The following UNC13B variants were observed in gnomAD, a reference collection of about 807,000 sequenced individuals.
The protein encoded by UNC13B is unc-13 homolog B, also known as protein unc-13 homolog B.
UNC13B carries 144 observed loss-of-function variants against 211.0 expected under a neutral mutation model. The ratio of observed to expected loss-of-function variants is 0.68; its 90% CI spans 0.60 to 0.78. The LOEUF (loss-of-function observed/expected upper bound fraction) is 0.78, where lower values mean the gene tolerates loss of function less well. UNC13B is among the 30% of genes least tolerant of loss of function. The pLI is 0.00. For synonymous variants in UNC13B, 709 were observed against 725.8 expected (o/e 0.98, Z 0.37); for missense variants, 1,777 against 2,002.0 (o/e 0.89, Z 2.14).
In UNC13B at chr9:35,397,304, T is replaced by C. The variant is rs1185966299; in HGVS notation, c.11670T>C (p.Phe3890=). ...PSILAHYMRR[F]AKTIGKVLMQ... ...TCCTTGCCCACTACATGAGGAGGTT[T>C]GCTAAGGTGACCATAACTCTTCCTA... is the stretch of plus-strand genomic sequence containing the variant. The change falls in exon 29 of 40, where the codon TTT becomes TTC. Residue 3890 remains phenylalanine, a synonymous_variant. Transcript: ENST00000635942. 8 of 1,613,962 alleles carry C rather than the reference T, an allele frequency of 5.0e-6. No individual in the cohort carries two copies. Among genetic ancestry groups the C allele is most frequent in the Middle Eastern group, 1.7e-4 (1 of 5,964 alleles).
chr9:35,206,942 T>C (rs1823689891), intron 1 of UNC13B, among the ~76,000 whole-genome samples: 2 of 151,992 alleles, frequency 1.3e-5, no homozygotes, highest in Non-Finnish European at 2.9e-5. Context: ...TGTTTACCCA[T>C]TCATTAGTTC....
At chr9:35,323,315 T>C (rs974108757) in intron 11 of UNC13B, among the ~76,000 whole-genome samples, 3 of 152,180 alleles carry the variant, frequency 2.0e-5, no homozygotes, top group Non-Finnish European at 2.9e-5. Flanking sequence ...GCTTTGTAAA[T>C]AGTTATATAG....
intron 5 of UNC13B, among the ~76,000 whole-genome samples, chr9:35,239,812 A>G (rs1162291180): frequency 6.6e-6 from 1 of 152,232 alleles, no homozygotes; most frequent in Non-Finnish European, 1.5e-5. Context: ...TTGAAAGAAG[A>G]GAAATATGGC....
At chr9:35,391,367 T>C (rs1564192277) in intron 26 of UNC13B, among the ~76,000 whole-genome samples, 1 of 152,198 alleles carries the variant, frequency 6.6e-6, no homozygotes, top group Non-Finnish European at 1.5e-5. Context: ...TTATGTGTGG[T>C]AGTCTCTCTA....
At chr9:35,398,314 T>A in intron 31 of UNC13B, 26 bp downstream of exon 31, 1 of 1,606,784 alleles carries the variant, frequency 6.2e-7, no homozygotes, top group Non-Finnish European at 8.5e-7. Context: ...TGGGAGTCAC[T>A]GTATTTTCCC....
chr9:35,262,305 C>T (rs947781200), intron 7 of UNC13B, among the ~76,000 whole-genome samples: 3 of 148,626 alleles, frequency 2.0e-5, no homozygotes, highest in East Asian at 2.0e-4. Flanking sequence ...TCTCTTTTCA[C>T]TTTTCTCTTT....
intron 26 of UNC13B, among the ~76,000 whole-genome samples, chr9:35,394,747 G>A (rs1421994907): frequency 2.0e-5 from 3 of 152,144 alleles, no homozygotes; most frequent in Non-Finnish European, 4.4e-5. Flanking sequence ...AGGAGGTTAT[G>A]GATTGGCCTT....
At chr9:35,190,477 G>A (rs2131338906) in intron 1 of UNC13B, among the ~76,000 whole-genome samples, 1 of 152,246 alleles carries the variant, frequency 6.6e-6, no homozygotes, top group African/African-American at 2.4e-5. Context: ...ACAGAACTGA[G>A]CCTTTGATTT....
intron 7 of UNC13B, among the ~76,000 whole-genome samples, chr9:35,272,972 T>C (rs1043223880): frequency 6.6e-6 from 1 of 152,132 alleles, no homozygotes; most frequent in African/African-American, 2.4e-5. Flanking sequence ...CACCTTGGAG[T>C]TTCAAAGAGA....
intron 1 of UNC13B, among the ~76,000 whole-genome samples, chr9:35,200,852 G>T (rs1424432695): frequency 6.6e-6 from 1 of 152,112 alleles, no homozygotes; most frequent in Non-Finnish European, 1.5e-5. Context: ...GATTGCCCTG[G>T]CCAGAACTTC....
intron 7 of UNC13B, among the ~76,000 whole-genome samples, chr9:35,290,288 C>T (rs1435891017): frequency 1.3e-5 from 2 of 151,730 alleles, no homozygotes; most frequent in Non-Finnish European, 2.9e-5. Flanking sequence ...GTTTTAAGCC[C>T]CTTTCTGATC....
chr9:35,272,180 G>T (rs997709744), intron 7 of UNC13B, among the ~76,000 whole-genome samples: 1 of 148,692 alleles, frequency 6.7e-6, no homozygotes, highest in Non-Finnish European at 1.5e-5. Context: ...ACATATGTAC[G>T]TAGAAAAACC....
At chr9:35,167,393 C>G (rs1028085453) in intron 1 of UNC13B, among the ~76,000 whole-genome samples, 2 of 151,942 alleles carry the variant, frequency 1.3e-5, no homozygotes, top group Non-Finnish European at 2.9e-5. Flanking sequence ...ATGCATGGCC[C>G]GAGATAATTC....
intron 6 of UNC13B, 26 bp from the exon 7 acceptor site, chr9:35,258,967 A>G: frequency 6.2e-7 from 1 of 1,605,850 alleles, no homozygotes; most frequent in Non-Finnish European, 8.5e-7. Flanking sequence ...GTATTTATTT[A>G]TTTATTTTCT....
intron 6 of UNC13B, among the ~76,000 whole-genome samples, chr9:35,248,351 G>C (rs559975403): frequency 6.6e-5 from 10 of 151,776 alleles, no homozygotes; most frequent in African/African-American, 1.7e-4. Context: ...GTGTCTCTAT[G>C]TCCTTCAGTT....
chr9:35,308,324 GA>G lies in UNC13B; in HGVS notation c.8921del (p.Glu2974GlyfsTer11). On this transcript the variant is annotated frameshift_variant, in exon 9 of 40. Coordinates refer to ENST00000635942, the MANE Select transcript of UNC13B (RefSeq NM_001371189.2). LOFTEE classifies it high-confidence loss of function. ...TCACCAGCTAGAAAAACAAGAAGAG[GA>G]GGCAGTACCTGCCAGTACTGACTCT... ...IFHQLEKQEE[E>X]AVPASTDSDL... is the part of the protein sequence containing the mutation. The G allele has an allele frequency of 5.0e-6, 2 of 399,030 alleles. No individual in the cohort carries two copies. Among genetic ancestry groups the G allele is most frequent in the South Asian group, 2.5e-4 (2 of 7,850 alleles). 24.7% of individuals were successfully genotyped at this position (399,030 alleles called of 1,614,324 possible).
intron 10 of UNC13B, among the ~76,000 whole-genome samples, chr9:35,312,438 G>A (rs1830224241): frequency 1.3e-5 from 2 of 152,200 alleles, no homozygotes; most frequent in Non-Finnish European, 2.9e-5. Context: ...ATGACTCACT[G>A]AAAAACTGAC....
intron 26 of UNC13B, 86 bp from the exon 27 acceptor site, chr9:35,396,390 C>A: frequency 6.4e-7 from 1 of 1,562,028 alleles, no homozygotes; most frequent in Non-Finnish European, 8.7e-7. Flanking sequence ...GATGGAGCTG[C>A]CTGACCAGAT....
At position 35,301,499 on chromosome 9, in the gene UNC13B, C is replaced by G. The variant is rs1212120254; in HGVS notation, c.2095C>G (p.Leu699Val). The change falls in exon 9 of 40, where the codon CTT (leucine) becomes GTT (valine). Residue 699 changes from leucine (L) to valine (V), a missense_variant. Coordinates refer to ENST00000635942, the MANE Select transcript of UNC13B (RefSeq NM_001371189.2). Reference sequence around the variant, plus strand: ...GGAGTTAAATAAAAGGGAAGGCACTCTTGACAATTACAGTAGTAGCATCAT... The same window carrying G: ...GGAGTTAAATAAAAGGGAAGGCACTGTTGACAATTACAGTAGTAGCATCAT... ...GLELNKREGT[L>V]DNYSSSIIAL... 1 of 398,610 alleles carries G rather than the reference C, an allele frequency of 2.5e-6. No homozygotes were observed. Among genetic ancestry groups the G allele is most frequent in the African/African-American group, 2.1e-5 (1 of 48,580 alleles). The allele number at this position is 398,610 out of a possible 1,614,324, so 24.7% of individuals were successfully genotyped here.
Sources: gnomAD v4.1 joint callset for allele counts (sites outside exome capture counted in the v4.1 genomes callset) on GRCh38, gnomAD v4.1.1 for gene constraint, MANE v1.5 for transcripts, NCBI Gene and HGNC (gene_info 2026-07-23, HGNC 2026-07-21) for gene names.